Variants in LINGO2 observed in about 807,000 individuals in gnomAD.
The protein encoded by LINGO2 is leucine-rich repeat and immunoglobulin-like domain-containing nogo receptor-interacting protein 2.
Under a neutral mutation model 30.6 loss-of-function variants are expected in LINGO2, and 14 were observed. The observed-to-expected ratio is 0.46, with a 90% CI of 0.30 to 0.72. The LOEUF (loss-of-function observed/expected upper bound fraction) is 0.72, where lower values mean the gene tolerates loss of function less well. LINGO2 is among the 30% of genes least tolerant of loss of function. The probability of loss-of-function intolerance (pLI) is 0.07; values close to 1 mark genes in which losing one functional copy is unlikely to be tolerated. For missense variants in LINGO2, 729 were observed against 751.7 expected (o/e 0.97, Z 0.35); for synonymous variants, 317 against 288.5 (o/e 1.10, Z -1.00).
intron 1 of LINGO2, among the ~76,000 whole-genome samples, chr9:28,523,877 A>G (rs1224375997): frequency 1.3e-5 from 2 of 151,838 alleles, no homozygotes; most frequent in South Asian, 2.1e-4. Context: ...CACAATCCCT[A>G]CTGGAAACAC....
chr9:28,277,837 C>T (rs898790884), intron 4 of LINGO2, among the ~76,000 whole-genome samples: 1 of 108,026 alleles, frequency 9.3e-6, no homozygotes, highest in Admixed American at 9.8e-5. Flanking sequence ...CAAAACAAAA[C>T]AAAAAAAAAA....
the LINGO2 span, among the ~76,000 whole-genome samples, chr9:28,960,494 C>T: frequency 6.6e-6 from 1 of 151,082 alleles, no homozygotes; most frequent in East Asian, 2.0e-4. Context: ...CAGGGTACGA[C>T]CTTTTCTCTA....
At chr9:28,060,998 T>C (rs1358216745) in intron 4 of LINGO2, among the ~76,000 whole-genome samples, 2 of 152,010 alleles carry the variant, frequency 1.3e-5, no homozygotes, top group East Asian at 3.9e-4. Context: ...CTTTTCTTCC[T>C]CTCCCCTGAA....
At chr9:28,893,891 T>A in the LINGO2 span, among the ~76,000 whole-genome samples, 2 of 151,840 alleles carry the variant, frequency 1.3e-5, no homozygotes, top group Non-Finnish European at 2.9e-5. Context: ...CCTAATGCTA[T>A]CCCTCCCCCC....
At chr9:28,106,960 G>A (rs1215690442) in intron 4 of LINGO2, among the ~76,000 whole-genome samples, 2 of 152,082 alleles carry the variant, frequency 1.3e-5, no homozygotes, top group Non-Finnish European at 2.9e-5. Flanking sequence ...AAAACATTCT[G>A]AGCTTTCTCA....
At chr9:29,172,853 A>G in the LINGO2 span, among the ~76,000 whole-genome samples, 3 of 152,022 alleles carry the variant, frequency 2.0e-5, no homozygotes, top group Non-Finnish European at 4.4e-5. Context: ...TTTTCTGCTG[A>G]CATGTACAGC....
At chr9:28,101,978 G>C (rs1332518798) in intron 4 of LINGO2, among the ~76,000 whole-genome samples, 2 of 152,058 alleles carry the variant, frequency 1.3e-5, no homozygotes, top group Non-Finnish European at 2.9e-5. Context: ...GCCATAGACT[G>C]GTGTGACAAA....
chr9:27,958,902 C>T (rs369309929), intron 5 of LINGO2, among the ~76,000 whole-genome samples: 3 of 152,150 alleles, frequency 2.0e-5, no homozygotes, highest in South Asian at 2.1e-4. Flanking sequence ...AACTTACCTG[C>T]GAATCCAAAC....
chr9:28,654,186 G>A (rs1828235769), intron 1 of LINGO2, among the ~76,000 whole-genome samples: 1 of 152,068 alleles, frequency 6.6e-6, no homozygotes, highest in African/African-American at 2.4e-5. Context: ...GATAAATTAT[G>A]TCTAACATAT....
At chr9:28,420,951 C>T (rs1384071527) in intron 2 of LINGO2, among the ~76,000 whole-genome samples, 1 of 151,924 alleles carries the variant, frequency 6.6e-6, no homozygotes, top group African/African-American at 2.4e-5. Context: ...AAAATACTAA[C>T]CAAATTTCAA....
chr9:29,053,558 T>C, the LINGO2 span, among the ~76,000 whole-genome samples: 1 of 152,116 alleles, frequency 6.6e-6, no homozygotes, highest in African/African-American at 2.4e-5. Context: ...ACTTAAAGTA[T>C]AATAATAATA....
At chr9:28,449,032 C>CGTGTGTGTGTGTGTGTGTGT (rs140779747) in intron 2 of LINGO2, among the ~76,000 whole-genome samples, 1 of 137,910 alleles carries the variant, frequency 7.3e-6, no homozygotes, top group African/African-American at 2.7e-5. Context: ...TATTCACATT[C>CGTGTGTGTGTGTGTGTGTGT]GTGTGTGTGT....
the LINGO2 span, among the ~76,000 whole-genome samples, chr9:29,127,579 C>T: frequency 0.24 from 36,541 of 151,952 alleles, 4,534 homozygotes; most frequent in East Asian, 0.41. Context: ...AAGCACCTGA[C>T]CATCATCATC....
chr9:28,165,785 T>C (rs115412864), intron 4 of LINGO2, among the ~76,000 whole-genome samples: 2,113 of 152,330 alleles, frequency 0.014, 53 homozygotes, highest in African/African-American at 0.049. Context: ...AGGAATTTCA[T>C]ATTTAAAGAT....
At chr9:27,963,518 C>T (rs1048871942) in intron 5 of LINGO2, among the ~76,000 whole-genome samples, 5 of 152,030 alleles carry the variant, frequency 3.3e-5, no homozygotes, top group Admixed American at 6.6e-5. Flanking sequence ...GAAACAGCTG[C>T]TTTGATGGAT....
chr9:27,955,358 T>A (rs1819513774), intron 5 of LINGO2, among the ~76,000 whole-genome samples: 1 of 152,186 alleles, frequency 6.6e-6, no homozygotes, highest in South Asian at 2.1e-4. Flanking sequence ...TCGTTTGATT[T>A]TAAGCATACA....
At chr9:28,905,977 T>C in the LINGO2 span, among the ~76,000 whole-genome samples, 1 of 152,036 alleles carries the variant, frequency 6.6e-6, no homozygotes, top group African/African-American at 2.4e-5. Flanking sequence ...CTTTTAAGCC[T>C]TAAAAAAGAA....
chr9:28,218,725 A>G (rs1229539263), intron 4 of LINGO2, among the ~76,000 whole-genome samples: 3 of 152,146 alleles, frequency 2.0e-5, no homozygotes, highest in Admixed American at 6.6e-5. Context: ...CTCACAGCCC[A>G]ATGTCTCATG....
the LINGO2 span, among the ~76,000 whole-genome samples, chr9:29,077,316 G>T: frequency 5.9e-5 from 9 of 151,936 alleles, no homozygotes; most frequent in African/African-American, 2.2e-4. Context: ...ATATGATCTA[G>T]AGTTTAAATC....
Sources: gnomAD v4.1 joint callset for allele counts (sites outside exome capture counted in the v4.1 genomes callset) on GRCh38, gnomAD v4.1.1 for gene constraint, MANE v1.5 for transcripts, NCBI Gene and HGNC (gene_info 2026-07-23, HGNC 2026-07-21) for gene names.